The following KLF8 variants were observed in gnomAD, a reference collection of about 807,000 sequenced individuals.
KLF8 encodes KLF transcription factor 8.
Under a neutral mutation model 18.2 loss-of-function variants are expected in KLF8, and 10 were observed. That is an observed-to-expected ratio of 0.55 (90% CI 0.34 to 0.93). The LOEUF (loss-of-function observed/expected upper bound fraction) is 0.93. Among genes scored for constraint, KLF8 ranks in the 40% least tolerant of loss-of-function variants. KLF8 has a pLI of 0.02. For synonymous variants in KLF8, 109 were observed against 97.3 expected (o/e 1.12, Z -0.71); for missense variants, 264 against 277.9 (o/e 0.95, Z 0.36).
At chrX:56,054,531 G>T in the KLF8 span, among the ~76,000 whole-genome samples, 27 of 111,932 alleles carry the variant, frequency 2.4e-4, no homozygotes, top group Admixed American at 7.6e-4. Flanking sequence ...TAGAGTATTT[G>T]TCATGTGGAT....
the KLF8 span, among the ~76,000 whole-genome samples, chrX:56,104,476 C>A: frequency 1.8e-5 from 2 of 111,758 alleles, no homozygotes; most frequent in Non-Finnish European, 3.8e-5. Flanking sequence ...TAATCCATTT[C>A]TACTAGATTT....
intron 3 of KLF8, chrX:56,267,853 T>C (rs1322688274): frequency 1.8e-5 from 2 of 111,290 alleles, no homozygotes; most frequent in Non-Finnish European, 3.8e-5. Context: ...AAATGTATCA[T>C]CATTAACTAT....
the KLF8 span, among the ~76,000 whole-genome samples, chrX:56,226,810 C>A: frequency 3.6e-5 from 4 of 112,031 alleles, no homozygotes; most frequent in Admixed American, 3.8e-4. Flanking sequence ...GCCTGGCTTA[C>A]TCTTTTAAAT....
At chrX:55,990,983 G>A in the KLF8 span, among the ~76,000 whole-genome samples, 1 of 112,444 alleles carries the variant, frequency 8.9e-6, no homozygotes, top group African/African-American at 3.2e-5. Flanking sequence ...TCCATTCTCA[G>A]ATCTCCAGCT....
chrX:56,159,495 C>T, the KLF8 span, among the ~76,000 whole-genome samples: 3 of 112,539 alleles, frequency 2.7e-5, no homozygotes, highest in East Asian at 2.8e-4. Flanking sequence ...TGGTAGAATT[C>T]GGCTGTGAAT....
At chrX:56,097,078 A>T in the KLF8 span, among the ~76,000 whole-genome samples, 1 of 111,836 alleles carries the variant, frequency 8.9e-6, no homozygotes, top group Non-Finnish European at 1.9e-5. Context: ...ATCAGGTTCA[A>T]CCATGTACAA....
intron 2 of KLF8, among the ~76,000 whole-genome samples, chrX:56,259,742 A>G (rs2066859240): frequency 9.0e-6 from 1 of 110,767 alleles, no homozygotes; most frequent in African/African-American, 3.3e-5. Flanking sequence ...TACCACTTTC[A>G]CGATTTTTGC....
chrX:56,040,800 C>CTTT, the KLF8 span, among the ~76,000 whole-genome samples: 15 of 6,036 alleles, frequency 2.5e-3, 5 homozygotes, highest in Admixed American at 9.1e-3. Flanking sequence ...ATGATACCAG[C>CTTT]TTTTTTTTTT....
chrX:55,943,667 G>A, the KLF8 span, among the ~76,000 whole-genome samples: 2 of 112,173 alleles, frequency 1.8e-5, no homozygotes, highest in Admixed American at 1.9e-4. Context: ...CGCAAATGTT[G>A]TTCAGTGTAA....
chrX:55,940,706 A>G, the KLF8 span, among the ~76,000 whole-genome samples: 1 of 111,845 alleles, frequency 8.9e-6, no homozygotes, highest in East Asian at 2.8e-4. Context: ...CAATGTGCAA[A>G]AATCACAAGC....
chrX:56,203,347 T>C, the KLF8 span, among the ~76,000 whole-genome samples: 1 of 112,444 alleles, frequency 8.9e-6, no homozygotes, highest in Non-Finnish European at 1.9e-5. Flanking sequence ...AAAGGTAGTT[T>C]GCAAAGATTT....
At chrX:56,200,668 A>G in the KLF8 span, among the ~76,000 whole-genome samples, 1 of 111,278 alleles carries the variant, frequency 9.0e-6, no homozygotes, top group African/African-American at 3.3e-5. Flanking sequence ...AAAAAAATGA[A>G]AAGCCATCTT....
the KLF8 span, among the ~76,000 whole-genome samples, chrX:56,080,679 A>G: frequency 7.2e-5 from 8 of 110,888 alleles, no homozygotes; most frequent in Admixed American, 4.8e-4. Context: ...GTATTTCCTG[A>G]ATCTGAGTGT....
At chrX:56,104,946 T>G in the KLF8 span, among the ~76,000 whole-genome samples, 2 of 112,019 alleles carry the variant, frequency 1.8e-5, no homozygotes, top group Non-Finnish European at 3.8e-5. Context: ...AATAACATCT[T>G]TATGTCTGCA....
the KLF8 span, among the ~76,000 whole-genome samples, chrX:56,154,371 C>T: frequency 9.0e-6 from 1 of 111,676 alleles, no homozygotes; most frequent in Non-Finnish European, 1.9e-5. Context: ...CCCTATTTAA[C>T]AAATGGTGCT....
At chrX:56,052,030 T>C in the KLF8 span, among the ~76,000 whole-genome samples, 43 of 111,606 alleles carry the variant, frequency 3.9e-4, no homozygotes, top group Admixed American at 1.7e-3. Context: ...CATCTTCCAT[T>C]GCTGATACCC....
At chrX:56,094,894 T>C in the KLF8 span, among the ~76,000 whole-genome samples, 1 of 111,455 alleles carries the variant, frequency 9.0e-6, no homozygotes, top group Non-Finnish European at 1.9e-5. Context: ...TGCTCTTGCA[T>C]TGGATGAACC....
chrX:55,983,086 A>G, the KLF8 span, among the ~76,000 whole-genome samples: 5 of 111,622 alleles, frequency 4.5e-5, no homozygotes, highest in South Asian at 1.9e-3. Flanking sequence ...ATCCTACCTA[A>G]AATTAGAAAA....
the KLF8 span, among the ~76,000 whole-genome samples, chrX:56,068,838 C>A: frequency 1.8e-5 from 2 of 111,959 alleles, no homozygotes; most frequent in Non-Finnish European, 3.8e-5. Context: ...AGTACATGAC[C>A]CTGCCTGCCC....
Sources: allele counts gnomAD v4.1 joint callset (sites outside exome capture counted in the v4.1 genomes callset), GRCh38; gene constraint gnomAD v4.1.1; transcripts MANE v1.5; gene names NCBI Gene and HGNC (gene_info 2026-07-23, HGNC 2026-07-21).